PTPRD: variants seen among roughly 807,000 people sequenced by gnomAD.
PTPRD encodes the protein protein tyrosine phosphatase receptor type D, also known as receptor-type tyrosine-protein phosphatase delta.
A neutral mutation model predicts 214.5 loss-of-function variants in PTPRD; 34 were observed. The observed-to-expected ratio is 0.16, with a 90% confidence interval of 0.12 to 0.21. PTPRD has a LOEUF of 0.21. PTPRD is among the 10% of genes least tolerant of loss of function. The probability of loss-of-function intolerance (pLI) is 1.00; values close to 1 mark genes in which losing one functional copy is unlikely to be tolerated. For missense variants in PTPRD, 2,545 were observed against 2,398.7 expected (o/e 1.06, Z -1.27); for synonymous variants, 1,128 against 845.7 (o/e 1.33, Z -5.79).
At chr9:8,630,713 T>C (rs769647514) in intron 14 of PTPRD, among the ~76,000 whole-genome samples, 3 of 151,906 alleles carry the variant, frequency 2.0e-5, no homozygotes, top group Non-Finnish European at 4.4e-5. Flanking sequence ...ATATTAAACA[T>C]TTTTGATGCA....
chr9:9,534,440 A>T (rs917372536), intron 8 of PTPRD, among the ~76,000 whole-genome samples: 6 of 152,078 alleles, frequency 3.9e-5, no homozygotes, highest in African/African-American at 1.4e-4. Context: ...ACAATTGGGA[A>T]ATAGGATGCT....
chr9:9,418,486 T>G (rs1186752792), intron 8 of PTPRD, among the ~76,000 whole-genome samples: 4 of 152,040 alleles, frequency 2.6e-5, no homozygotes, highest in Non-Finnish European at 5.9e-5. Flanking sequence ...ACATGGGGAC[T>G]GGCAGTAGAC....
intron 3 of PTPRD, among the ~76,000 whole-genome samples, chr9:10,327,417 C>T (rs1401060550): frequency 6.6e-6 from 1 of 151,380 alleles, no homozygotes; most frequent in African/African-American, 2.4e-5. Context: ...ATACTATTAT[C>T]TATCACTTCC....
rs1335018047 is a variant in PTPRD, at chr9:8,316,912, A to T, written c.*962T>A. On this transcript the variant is annotated 3_prime_UTR_variant, in exon 46 of 46. Coordinates refer to ENST00000381196, the MANE Select transcript of PTPRD (RefSeq NM_002839.4). The stretch of plus-strand genomic sequence containing the variant: ...GAAGAACTGACTGACTGATAACTGT[A>T]TCTATTTTTTGTGTGGACACACTGT... The T allele has an allele frequency of 5.0e-5, 11 of 219,942 alleles. No individual in the cohort carries two copies. The East Asian group carries it at 7.0e-4, about 14-fold the overall frequency. 13.6% of individuals were successfully genotyped at this position (219,942 alleles called of 1,614,324 possible). A position where few individuals can be genotyped will look rare whatever the true frequency, so the allele number is the denominator to read the frequency against.
intron 3 of PTPRD, among the ~76,000 whole-genome samples, chr9:10,255,426 A>G (rs1490171659): frequency 6.6e-6 from 1 of 152,208 alleles, no homozygotes; most frequent in East Asian, 1.9e-4. Flanking sequence ...ATATTTAAAC[A>G]CAGAAAAGGT....
At chr9:10,509,579 A>ATATATATATATATATATATATATATTTT (rs1402201904) in intron 2 of PTPRD, among the ~76,000 whole-genome samples, 1 of 131,240 alleles carries the variant, frequency 7.6e-6, no homozygotes, top group Non-Finnish European at 1.6e-5. Context: ...ATATATATAT[A>ATATATATATATATATATATATATATTTT]TTTTACTCAC....
intron 10 of PTPRD, among the ~76,000 whole-genome samples, chr9:9,084,819 A>G (rs918476945): frequency 9.7e-4 from 147 of 152,292 alleles, no homozygotes; most frequent in African/African-American, 3.5e-3. Context: ...TCATCAAAAG[A>G]GCCATCCAAA....
intron 26 of PTPRD, among the ~76,000 whole-genome samples, chr9:8,496,854 C>T (rs1042617963): frequency 3.9e-5 from 6 of 152,264 alleles, no homozygotes; most frequent in African/African-American, 1.4e-4. Context: ...TGTTTTAGCT[C>T]ATCAGCTGTA....
At chr9:8,872,237 A>T (rs1010477297) in intron 11 of PTPRD, among the ~76,000 whole-genome samples, 1 of 152,180 alleles carries the variant, frequency 6.6e-6, no homozygotes. Context: ...GGTGCCAACA[A>T]GGAGCCTGTA....
intron 2 of PTPRD, among the ~76,000 whole-genome samples, chr9:10,539,852 T>C (rs1577583): frequency 0.02 from 3,077 of 152,246 alleles, 33 homozygotes; most frequent in South Asian, 0.042. Flanking sequence ...GCATCATCAA[T>C]CTTGACATCT....
chr9:10,481,898 A>G (rs1323714777), intron 2 of PTPRD, among the ~76,000 whole-genome samples: 1 of 152,210 alleles, frequency 6.6e-6, no homozygotes, highest in African/African-American at 2.4e-5. Flanking sequence ...ACAGCAATTG[A>G]AAATTAAGTG....
chr9:9,270,205 AATT>A (rs1304096167), intron 9 of PTPRD, among the ~76,000 whole-genome samples: 1 of 151,282 alleles, frequency 6.6e-6, no homozygotes, highest in East Asian at 2.0e-4. Context: ...AAATATGAAC[AATT>A]ATTATTTTCA....
intron 2 of PTPRD, among the ~76,000 whole-genome samples, chr9:10,420,006 A>G (rs920623436): frequency 1.3e-5 from 2 of 151,852 alleles, no homozygotes; most frequent in African/African-American, 4.8e-5. Context: ...GGAAAAAAAT[A>G]TATAAAATAC....
At chr9:9,300,918 G>A (rs1046897584) in intron 9 of PTPRD, among the ~76,000 whole-genome samples, 3 of 151,714 alleles carry the variant, frequency 2.0e-5, no homozygotes, top group African/African-American at 7.3e-5. Context: ...TAATTATAAT[G>A]TGCAATTATC....
chr9:10,521,853 G>T (rs888776687), intron 2 of PTPRD, among the ~76,000 whole-genome samples: 20 of 152,282 alleles, frequency 1.3e-4, no homozygotes, highest in African/African-American at 4.8e-4. Context: ...ATAGGCTACA[G>T]TATAGTTTAG....
intron 14 of PTPRD, among the ~76,000 whole-genome samples, chr9:8,626,293 T>G (rs768119903): frequency 2.0e-5 from 3 of 151,984 alleles, no homozygotes; most frequent in Middle Eastern, 3.4e-3. Flanking sequence ...TTTAGTAAAC[T>G]CCTTTGTAAT....
chr9:8,518,562 G>C (rs1327068228), intron 20 of PTPRD, 133 bp from the exon 21 acceptor site: 9 of 694,822 alleles, frequency 1.3e-5, no homozygotes, highest in Non-Finnish European at 9.0e-6. Flanking sequence ...TTATAGCAAA[G>C]AGTAGTTTTC....
At chr9:9,706,143 C>T (rs1258696931) in intron 7 of PTPRD, among the ~76,000 whole-genome samples, 1 of 152,074 alleles carries the variant, frequency 6.6e-6, no homozygotes, top group Non-Finnish European at 1.5e-5. Flanking sequence ...TCTCTTAAAA[C>T]TAATTACCAC....
At chr9:9,774,099 A>C (rs2098776750) in intron 5 of PTPRD, among the ~76,000 whole-genome samples, 1 of 152,186 alleles carries the variant, frequency 6.6e-6, no homozygotes, top group Admixed American at 6.5e-5. Context: ...ATAGTGCTCA[A>C]AATGAGTTAT....
Sources: allele counts gnomAD v4.1 joint callset (sites outside exome capture counted in the v4.1 genomes callset), GRCh38; gene constraint gnomAD v4.1.1; transcripts MANE v1.5; gene names NCBI Gene and HGNC (gene_info 2026-07-23, HGNC 2026-07-21).